Variants in TRPM3 observed in about 807,000 individuals in gnomAD.
The protein encoded by TRPM3 is transient receptor potential cation channel subfamily M member 3, also known as long transient receptor potential channel 3.
TRPM3 carries 77 observed loss-of-function variants against 181.2 expected under a neutral mutation model. The ratio of observed to expected loss-of-function variants is 0.42; its 90% CI spans 0.35 to 0.51. The LOEUF (loss-of-function observed/expected upper bound fraction) is 0.51, where lower values mean the gene tolerates loss of function less well. Among genes scored for constraint, TRPM3 ranks in the 20% least tolerant of loss-of-function variants. The pLI, the probability that TRPM3 is intolerant of heterozygous loss-of-function variation, is 0.01. For missense variants in TRPM3, 1,759 were observed against 2,196.7 expected (o/e 0.80, Z 3.98); for synonymous variants, 745 against 796.4 (o/e 0.94, Z 1.09).
intron 6 of TRPM3, among the ~76,000 whole-genome samples, chr9:70,798,251 C>T (rs969658832): frequency 6.6e-6 from 1 of 152,086 alleles, no homozygotes; most frequent in Admixed American, 6.5e-5. Context: ...GACAGAGTTT[C>T]GCCATGTTGC....
At chr9:70,771,567 T>C (rs1564207258) in intron 7 of TRPM3, among the ~76,000 whole-genome samples, 1 of 152,142 alleles carries the variant, frequency 6.6e-6, no homozygotes, top group African/African-American at 2.4e-5. Context: ...AAAAGGAAAC[T>C]GAAGGTGGGT....
intron 19 of TRPM3, among the ~76,000 whole-genome samples, chr9:70,604,623 G>A (rs2060666908): frequency 6.6e-6 from 1 of 152,148 alleles, no homozygotes; most frequent in Admixed American, 6.5e-5. Flanking sequence ...GCCTTGCTGG[G>A]GGATATGCTG....
At chr9:70,934,737 A>G (rs2096809057) in intron 1 of TRPM3, among the ~76,000 whole-genome samples, 1 of 152,160 alleles carries the variant, frequency 6.6e-6, no homozygotes, top group South Asian at 2.1e-4. Flanking sequence ...TAAAAGTTGA[A>G]TATCTTTGTT....
intron 1 of TRPM3, among the ~76,000 whole-genome samples, chr9:70,974,534 G>T (rs1167515657): frequency 7.4e-6 from 1 of 134,766 alleles, no homozygotes. Context: ...GCGAGACTCC[G>T]TCTCAAAACA....
At chr9:71,315,687 G>C (rs888112963) in intron 1 of TRPM3, among the ~76,000 whole-genome samples, 1 of 151,936 alleles carries the variant, frequency 6.6e-6, no homozygotes, top group Non-Finnish European at 1.5e-5. Context: ...AGAAATTAAG[G>C]TATTTAACTA....
At chr9:70,917,856 A>C (rs1312061159) in intron 1 of TRPM3, among the ~76,000 whole-genome samples, 1 of 152,122 alleles carries the variant, frequency 6.6e-6, no homozygotes, top group Non-Finnish European at 1.5e-5. Flanking sequence ...AGAGTCACTC[A>C]ATGGATAAAA....
intron 1 of TRPM3, among the ~76,000 whole-genome samples, chr9:70,911,381 T>G (rs2096536019): frequency 6.6e-6 from 1 of 152,224 alleles, no homozygotes; most frequent in African/African-American, 2.4e-5. Flanking sequence ...CTTTCATTTA[T>G]CTTATTCTAT....
chr9:70,939,059 G>A (rs1433504339), intron 1 of TRPM3, among the ~76,000 whole-genome samples: 1 of 152,028 alleles, frequency 6.6e-6, no homozygotes, highest in African/African-American at 2.4e-5. Context: ...GGGATACCTT[G>A]CTAAATACAT....
chr9:70,779,221 T>A (rs1439799601), intron 7 of TRPM3, among the ~76,000 whole-genome samples: 2 of 152,100 alleles, frequency 1.3e-5, no homozygotes, highest in Non-Finnish European at 1.5e-5. Flanking sequence ...CACAAAAACG[T>A]GAACAGTCTC....
intron 1 of TRPM3, among the ~76,000 whole-genome samples, chr9:71,252,217 T>C: frequency 6.6e-6 from 1 of 152,300 alleles, no homozygotes; most frequent in Middle Eastern, 3.4e-3. Flanking sequence ...TAACTTTTTT[T>C]TTTTAGGTTC....
chr9:71,094,465 G>A (rs1353622277), intron 1 of TRPM3, among the ~76,000 whole-genome samples: 1 of 151,996 alleles, frequency 6.6e-6, no homozygotes, highest in African/African-American at 2.4e-5. Flanking sequence ...TCTCTCGACT[G>A]CTTCTCTACT....
At chr9:70,887,636 T>C (rs2096113776) in intron 1 of TRPM3, among the ~76,000 whole-genome samples, 1 of 152,154 alleles carries the variant, frequency 6.6e-6, no homozygotes, top group Non-Finnish European at 1.5e-5. Context: ...GTAGTTATGA[T>C]TCTTCTTATT....
At chr9:71,213,941 T>C (rs1327336540) in intron 1 of TRPM3, among the ~76,000 whole-genome samples, 8 of 152,240 alleles carry the variant, frequency 5.3e-5, no homozygotes, top group African/African-American at 1.9e-4. Flanking sequence ...ATATTTACTT[T>C]GAAAATTTAA....
chr9:71,095,342 A>G (rs184119316), intron 1 of TRPM3, among the ~76,000 whole-genome samples: 1 of 151,326 alleles, frequency 6.6e-6, no homozygotes, highest in East Asian at 2.0e-4. Flanking sequence ...TTCTTCTCTC[A>G]TGAAAGAACA....
chr9:70,886,966 G>A (rs1401428962), intron 1 of TRPM3, among the ~76,000 whole-genome samples: 1 of 152,158 alleles, frequency 6.6e-6, no homozygotes, highest in African/African-American at 2.4e-5. Context: ...TGCCCGGAGA[G>A]TCAACACTTA....
intron 1 of TRPM3, among the ~76,000 whole-genome samples, chr9:71,264,396 A>C (rs2083254538): frequency 6.6e-6 from 1 of 152,174 alleles, no homozygotes; most frequent in South Asian, 2.1e-4. Flanking sequence ...TAAAATATAC[A>C]AAATTTTCAT....
At chr9:70,670,790 C>T (rs985236075) in intron 9 of TRPM3, among the ~76,000 whole-genome samples, 5 of 152,140 alleles carry the variant, frequency 3.3e-5, no homozygotes, top group East Asian at 1.9e-4. Context: ...GTAGAGTGTC[C>T]GCCCTTAAAG....
chr9:70,914,020 C>T (rs1051386336), intron 1 of TRPM3, among the ~76,000 whole-genome samples: 14 of 152,134 alleles, frequency 9.2e-5, no homozygotes, highest in African/African-American at 2.9e-4. Context: ...CAATGACAGC[C>T]GATAAATACC....
chr9:71,135,662 G>A (rs1267123372), intron 1 of TRPM3, among the ~76,000 whole-genome samples: 1 of 152,056 alleles, frequency 6.6e-6, no homozygotes, highest in African/African-American at 2.4e-5. Context: ...AACCTAGGAG[G>A]CTAAACTTAC....
Sources: gnomAD v4.1 joint callset for allele counts (sites outside exome capture counted in the v4.1 genomes callset) on GRCh38, gnomAD v4.1.1 for gene constraint, MANE v1.5 for transcripts, NCBI Gene and HGNC (gene_info 2026-07-23, HGNC 2026-07-21) for gene names.